ANKRD28: variants seen among roughly 807,000 people sequenced by gnomAD.
ANKRD28 encodes serine/threonine-protein phosphatase 6 regulatory ankyrin repeat subunit A.
ANKRD28 carries 44 observed loss-of-function variants against 126.5 expected under a neutral mutation model. That is an observed-to-expected ratio of 0.35 (90% CI 0.27 to 0.45). The LOEUF (loss-of-function observed/expected upper bound fraction) is 0.45. Ranked by LOEUF, ANKRD28 falls within the 20% of genes least tolerant of loss-of-function variation. The probability of loss-of-function intolerance (pLI) is 1.00; values close to 1 mark genes in which losing one functional copy is unlikely to be tolerated. For synonymous variants in ANKRD28, 442 were observed against 468.5 expected, an observed-to-expected ratio of 0.94 and a Z score of 0.73; for missense variants, 1,110 against 1,316.6, an observed-to-expected ratio of 0.84 and a Z score of 2.43.
chr3:15,820,865 T>G (rs560592498), intron 1 of ANKRD28, among the ~76,000 whole-genome samples: 1 of 152,322 alleles, frequency 6.6e-6, no homozygotes, highest in South Asian at 2.1e-4. Context: ...GTTTTCCTTT[T>G]TTGACACTTC....
chr3:15,673,979 C>A (rs6786338), intron 27 of ANKRD28, among the ~76,000 whole-genome samples: 1 of 151,242 alleles, frequency 6.6e-6, no homozygotes, highest in Non-Finnish European at 1.5e-5. Flanking sequence ...AGTTCAAGAC[C>A]GGCCTGGACA....
chr3:15,811,749 G>A (rs904325734), intron 1 of ANKRD28, among the ~76,000 whole-genome samples: 3 of 151,602 alleles, frequency 2.0e-5, no homozygotes, highest in Non-Finnish European at 4.4e-5. Flanking sequence ...CACTGCGCCT[G>A]GCCAGGGACA....
intron 2 of ANKRD28, among the ~76,000 whole-genome samples, chr3:15,789,037 A>G (rs994586493): frequency 2.0e-5 from 3 of 151,942 alleles, no homozygotes; most frequent in Non-Finnish European, 2.9e-5. Context: ...TCTATGTACC[A>G]CTCTGCTTTT....
intron 2 of ANKRD28, among the ~76,000 whole-genome samples, chr3:15,793,772 C>G (rs2060140314): frequency 6.6e-6 from 1 of 152,128 alleles, no homozygotes; most frequent in Non-Finnish European, 1.5e-5. Flanking sequence ...TCATTTAAAA[C>G]AAATAAATCA....
intron 21 of ANKRD28, among the ~76,000 whole-genome samples, chr3:15,680,894 A>G (rs545068296): frequency 1.3e-5 from 2 of 152,110 alleles, no homozygotes; most frequent in Admixed American, 1.3e-4. Flanking sequence ...CTTGAATCCC[A>G]GAGCTCAAGT....
chr3:15,848,214 A>G (rs2061566926), intron 1 of ANKRD28, among the ~76,000 whole-genome samples: 1 of 152,214 alleles, frequency 6.6e-6, no homozygotes. Flanking sequence ...CAGAACCACA[A>G]ATTTGGGAAT....
intron 1 of ANKRD28, among the ~76,000 whole-genome samples, chr3:15,810,799 A>G (rs534982643): frequency 6.6e-6 from 1 of 152,082 alleles, no homozygotes; most frequent in East Asian, 1.9e-4. Flanking sequence ...TAAGGCCTAG[A>G]GTGGTTACAT....
chr3:15,683,297 T>G (rs889158033), intron 21 of ANKRD28, among the ~76,000 whole-genome samples: 1 of 152,214 alleles, frequency 6.6e-6, no homozygotes, highest in Non-Finnish European at 1.5e-5. Context: ...TCCCACTATA[T>G]TAGATATTTT....
At chr3:15,809,622 G>A (rs1342438277) in intron 1 of ANKRD28, among the ~76,000 whole-genome samples, 2 of 152,158 alleles carry the variant, frequency 1.3e-5, no homozygotes, top group Non-Finnish European at 2.9e-5. Flanking sequence ...AATGGGGGAG[G>A]ATGGGAAACC....
chr3:15,846,611 C>T lies in ANKRD28; in HGVS notation c.27+12766G>A, dbSNP rs1055240939. ...CATTTTATAACAATCGAAAGAGCTC[C>T]ACTGATTAAAGTAATAGTGGATGCT... On this transcript the variant is annotated intron_variant, in intron 1 of 27. Transcript: ENST00000399451. The surrounding 1 kb of genome is among the most constrained non-coding windows in gnomAD (Gnocchi z 5.4). Among the ~76,000 whole-genome samples the T allele has an allele frequency of 2.6e-5, 4 of 152,196 alleles. No individual in the cohort carries two copies. The highest frequency in any genetic ancestry group is 2.6e-4 in the Admixed American group (4 of 15,284).
At chr3:15,780,381 T>C (rs985070063) in intron 2 of ANKRD28, among the ~76,000 whole-genome samples, 4 of 152,184 alleles carry the variant, frequency 2.6e-5, no homozygotes, top group Middle Eastern at 6.8e-3. Context: ...AAGATCTGTA[T>C]ACTAAAAACT....
chr3:15,859,531 C>A, exon 1 of ANKRD28: 5 of 828,942 alleles, frequency 6.0e-6, no homozygotes, highest in Non-Finnish European at 8.1e-6. Context: ...CCGCGGCCGA[C>A]TGCGCTGAGA....
Position 15,713,719 on chromosome 3 carries a change from A to T in ANKRD28, c.1076-78T>A, listed in dbSNP as rs529582560. The stretch of plus-strand genomic sequence containing the variant: ...ACGTACTACATGAAAAGTAATAAAA[A>T]ATGCTGTTCACATACAAACTAATAG... On this transcript the variant is annotated intron_variant, in intron 9 of 27. Transcript: ENST00000683139. 2.4e-5 allele frequency: 22 copies of T among 903,368 alleles called. No individual in the cohort carries two copies. In the African/African-American group the frequency reaches 3.3e-4, roughly 13 times the overall value. 56.0% of individuals were successfully genotyped at this position (903,368 alleles called of 1,614,324 possible).
At position 15,817,690 on chromosome 3, in the gene ANKRD28, G is replaced by A. The variant is rs969931577; in HGVS notation, c.28-22384C>T. ...TATTTAAATAAATATAAAATTACCAGGAAACCACTAATTTCTTCCTAAGAT... is the reference window on the plus strand; with the variant it reads ...TATTTAAATAAATATAAAATTACCAAGAAACCACTAATTTCTTCCTAAGAT... On this transcript the variant is annotated intron_variant, in intron 1 of 27. Coordinates refer to the ANKRD28 transcript ENST00000399451. The surrounding 1 kb of genome is among the most constrained non-coding windows in gnomAD (Gnocchi z 4.5). Among the ~76,000 whole-genome samples the A allele has an allele frequency of 3.3e-5, 5 of 152,070 alleles. No homozygotes were observed. Among genetic ancestry groups the A allele is most frequent in the Non-Finnish European group, 7.4e-5 (5 of 68,020 alleles).
chr3:15,823,048 T>C (rs1052493109), intron 1 of ANKRD28, among the ~76,000 whole-genome samples: 3 of 152,164 alleles, frequency 2.0e-5, no homozygotes, highest in Non-Finnish European at 4.4e-5. Flanking sequence ...AATAGAAAAC[T>C]GAACAGTCCT....
chr3:15,835,147 C>CA (rs576304194), intron 1 of ANKRD28, among the ~76,000 whole-genome samples: 149 of 150,458 alleles, frequency 9.9e-4, no homozygotes, highest in Non-Finnish European at 1.3e-3. Context: ...GACTCTGTAT[C>CA]AAAAAAAAGA....
chr3:15,801,901 G>T (rs112508667), upstream of ANKRD28, among the ~76,000 whole-genome samples: 4 of 152,150 alleles, frequency 2.6e-5, no homozygotes, highest in African/African-American at 7.2e-5. The surrounding 1 kb of genome is among the most constrained non-coding windows in gnomAD (Gnocchi z 4.9). Flanking sequence ...ATCGTTTGAC[G>T]ATCTCAAGTG....
At chr3:15,789,219 C>A (rs1163552598) in intron 2 of ANKRD28, among the ~76,000 whole-genome samples, 4 of 152,008 alleles carry the variant, frequency 2.6e-5, no homozygotes, top group African/African-American at 9.7e-5. Flanking sequence ...CTATGAAAAT[C>A]CTGATTTACT....
chr3:15,695,167 A>AG (rs1310411459), intron 16 of ANKRD28, 21 bp downstream of exon 16: 13 of 1,581,476 alleles, frequency 8.2e-6, no homozygotes, highest in Non-Finnish European at 9.5e-6. Flanking sequence ...AATTGGTGGG[A>AG]GGGAATTGAC....
Sources: allele counts gnomAD v4.1 joint callset (sites outside exome capture counted in the v4.1 genomes callset), GRCh38; gene constraint gnomAD v4.1.1; non-coding constraint Gnocchi (gnomAD v3.1); transcripts MANE v1.5; gene names NCBI Gene and HGNC (gene_info 2026-07-23, HGNC 2026-07-21).